The following CNTRL variants were observed in gnomAD, a reference collection of about 807,000 sequenced individuals.
CNTRL encodes the protein centriolin, also known as 110 kDa centrosomal protein.
Under a neutral mutation model 303.7 loss-of-function variants are expected in CNTRL, and 233 were observed. That is an observed-to-expected ratio of 0.77 (90% CI 0.69 to 0.86). The LOEUF (loss-of-function observed/expected upper bound fraction) is 0.86. Among genes scored for constraint, CNTRL ranks in the 40% least tolerant of loss-of-function variants. CNTRL has a pLI of 0.00. For synonymous variants in CNTRL, 900 were observed against 922.2 expected (o/e 0.98, Z 0.44); for missense variants, 2,524 against 2,650.6 (o/e 0.95, Z 1.05).
chr9:121,161,936 T>G lies in CNTRL; in HGVS notation c.5170T>G (p.Ser1724Ala), dbSNP rs137948484. The G allele has an allele frequency of 1.1e-4, 173 of 1,614,150 alleles. No homozygotes were observed. In the African/African-American group the frequency reaches 1.5e-3, roughly 14 times the overall value. The change falls in exon 33 of 44, where the codon TCT becomes GCT. Residue 1724 changes from serine to alanine, a missense_variant. Coordinates refer to ENST00000373855, the MANE Select transcript of CNTRL (RefSeq NM_007018.6). ...GAAGCTACAACATGACCAAAGGGTATCTGAATTAGAGAAGACTCAGGTGGC... is the reference window on the plus strand; with the variant it reads ...GAAGCTACAACATGACCAAAGGGTAGCTGAATTAGAGAAGACTCAGGTGGC... ...GLKLQHDQRV[S>A]ELEKTQVAVL...
chr9:121,084,917 C>G (rs2048287841), intron 2 of CNTRL, among the ~76,000 whole-genome samples: 1 of 152,096 alleles, frequency 6.6e-6, no homozygotes, highest in Non-Finnish European at 1.5e-5. Flanking sequence ...ATGAACTTTA[C>G]CTTTCTTTCA....
At chr9:121,120,083 T>G (rs1402541307) in intron 12 of CNTRL, among the ~76,000 whole-genome samples, 1 of 151,998 alleles carries the variant, frequency 6.6e-6, no homozygotes, top group Non-Finnish European at 1.5e-5. Flanking sequence ...GAAAAATATC[T>G]TCTACATATT....
chr9:121,151,274 A>G (rs565368387), intron 25 of CNTRL, among the ~76,000 whole-genome samples: 6 of 151,068 alleles, frequency 4.0e-5, no homozygotes, highest in African/African-American at 1.5e-4. Context: ...CAACATTTCT[A>G]TATTTGTAGG....
intron 26 of CNTRL, 100 bp from the exon 27 acceptor site, chr9:121,154,621 A>G: frequency 2.8e-6 from 2 of 703,298 alleles, no homozygotes; most frequent in Non-Finnish European, 4.7e-6. Flanking sequence ...TTCTCATATA[A>G]AATTAGAAAA....
At chr9:121,162,402 G>T (rs997631417) in intron 34 of CNTRL, 131 bp downstream of exon 34, 3 of 739,694 alleles carry the variant, frequency 4.1e-6, no homozygotes, top group Non-Finnish European at 4.5e-6. Context: ...AATACATTTT[G>T]CCAGTTGCAT....
chr9:121,158,564 A>G (rs1429599436), intron 30 of CNTRL: 6 of 290,526 alleles, frequency 2.1e-5, no homozygotes, highest in Admixed American at 4.6e-5. Flanking sequence ...GGATGTCAAA[A>G]TGGAATTAGG....
chr9:121,088,940 G>A (rs997263811), intron 3 of CNTRL, among the ~76,000 whole-genome samples: 2 of 152,244 alleles, frequency 1.3e-5, no homozygotes, highest in Non-Finnish European at 2.9e-5. Context: ...CTGCTTATCT[G>A]TGAATGGACT....
chr9:121,084,696 C>T (rs1369313647), intron 2 of CNTRL, among the ~76,000 whole-genome samples: 1 of 152,092 alleles, frequency 6.6e-6, no homozygotes, highest in Non-Finnish European at 1.5e-5. Flanking sequence ...TGGCGCTTGC[C>T]ACCACGCCTG....
chr9:121,177,235 T>G lies in CNTRL; in HGVS notation c.*49T>G. ...ATTCAAGGAAAACACCTCCACTACC[T>G]CACTGACTTCATAATTGGAATGTCA... On this transcript the variant is annotated 3_prime_UTR_variant, in exon 44 of 44. Coordinates refer to ENST00000373855, the MANE Select transcript of CNTRL (RefSeq NM_007018.6). 2.1e-6 allele frequency: 3 copies of G among 1,452,978 alleles called. No individual in the cohort carries two copies. The highest frequency in any genetic ancestry group is 9.6e-7 in the Non-Finnish European group (1 of 1,042,002). The allele number at this position is 1,452,978 out of a possible 1,614,324, so 90.0% of individuals were successfully genotyped here.
At chr9:121,098,193 T>C (rs1410350443) in intron 6 of CNTRL, among the ~76,000 whole-genome samples, 193 bp from the exon 7 acceptor site, 2 of 152,208 alleles carry the variant, frequency 1.3e-5, no homozygotes, top group East Asian at 1.9e-4. Flanking sequence ...AAATAGTGTA[T>C]GGAAAATACC....
Position 121,154,796 on chromosome 9 carries a change from T to C in CNTRL, c.4248T>C (p.Asp1416=). Residue 1416 remains aspartate (D), a synonymous_variant, in exon 27 of 44, where the codon GAT becomes GAC. Transcript: ENST00000373855. ...EIEKSLKHHE[D]IVDEIECIEK... ...AAAAATCACTCAAACATCATGAAGATATTGTAGATGAAATTGAGTGCATTG... is the reference window on the plus strand; with the variant it reads ...AAAAATCACTCAAACATCATGAAGACATTGTAGATGAAATTGAGTGCATTG... 6.2e-7 allele frequency: 1 copy of C among 1,612,752 alleles called. No homozygotes were observed. The highest frequency in any genetic ancestry group is 8.5e-7 in the Non-Finnish European group (1 of 1,178,710).
At chr9:121,175,579 TC>T (rs2053489619) in intron 43 of CNTRL, among the ~76,000 whole-genome samples, 2 of 152,202 alleles carry the variant, frequency 1.3e-5, no homozygotes, top group African/African-American at 2.4e-5. Flanking sequence ...AAGAGGAAAC[TC>T]GTAAGATAGG....
At chr9:121,115,012 A>G (rs2049914234) in intron 10 of CNTRL, 79 bp from the exon 11 acceptor site, 1 of 886,106 alleles carries the variant, frequency 1.1e-6, no homozygotes, top group Non-Finnish European at 1.8e-6. Context: ...TATTACAAAG[A>G]AAGAATACCT....
chr9:121,122,526 C>T (rs1588162292), intron 12 of CNTRL: 2 of 343,462 alleles, frequency 5.8e-6, no homozygotes, highest in African/African-American at 2.2e-5. Context: ...ACAGTTCCCT[C>T]TTTCGATAAC....
rs1463503155 is a variant in CNTRL at position 121,168,293 on chromosome 9, G to C, written c.6042G>C (p.Glu2014Asp). ...RTLQEEERWC[E>D]SLEKTLSQTK... Reference sequence around the variant, plus strand: ...TGCAGGAAGAGGAGAGGTGGTGTGAGAGCCTGGAGAAGACACTCTCCCAAA... The same window carrying C: ...TGCAGGAAGAGGAGAGGTGGTGTGACAGCCTGGAGAAGACACTCTCCCAAA... Residue 2014 changes from glutamate (E) to aspartate (D), a missense_variant, in exon 38 of 44, where the codon GAG (glutamate) becomes GAC (aspartate). Transcript: ENST00000373855. 1 of 1,614,030 alleles carries C rather than the reference G, an allele frequency of 6.2e-7. No homozygotes were observed. The highest frequency in any genetic ancestry group is 8.5e-7 in the Non-Finnish European group (1 of 1,180,016).
intron 8 of CNTRL, among the ~76,000 whole-genome samples, chr9:121,111,820 A>C (rs1291403753): frequency 2.0e-5 from 3 of 148,812 alleles, no homozygotes; most frequent in African/African-American, 7.3e-5. Flanking sequence ...CAAGCTCCAA[A>C]AATTTCTAAG....
chr9:121,154,391 G>A (rs2052449480), intron 26 of CNTRL, among the ~76,000 whole-genome samples: 1 of 152,158 alleles, frequency 6.6e-6, no homozygotes, highest in African/African-American at 2.4e-5. Context: ...TGTGGTAGTG[G>A]TTTGCTTTAT....
intron 7 of CNTRL, among the ~76,000 whole-genome samples, chr9:121,100,380 G>C (rs1164386271): frequency 6.6e-6 from 1 of 152,186 alleles, no homozygotes; most frequent in Non-Finnish European, 1.5e-5. Context: ...TCACCACCAG[G>C]CCTGCCTTAC....
chr9:121,174,079 T>G (rs557722276), intron 42 of CNTRL, among the ~76,000 whole-genome samples: 1 of 152,144 alleles, frequency 6.6e-6, no homozygotes, highest in Non-Finnish European at 1.5e-5. Context: ...CAGGAAAGAT[T>G]TGGGATACTG....
Sources: gnomAD v4.1 joint callset for allele counts (sites outside exome capture counted in the v4.1 genomes callset) on GRCh38, gnomAD v4.1.1 for gene constraint, MANE v1.5 for transcripts, NCBI Gene and HGNC (gene_info 2026-07-23, HGNC 2026-07-21) for gene names.